The following MAP3K5 variants were observed in gnomAD, a reference collection of about 807,000 sequenced individuals.
The protein encoded by MAP3K5 is ASK-1.
A neutral mutation model predicts 158.7 loss-of-function variants in MAP3K5; 56 were observed. The ratio of observed to expected loss-of-function variants is 0.35; its 90% CI spans 0.28 to 0.44. The LOEUF (loss-of-function observed/expected upper bound fraction) is 0.44. Among genes scored for constraint, MAP3K5 ranks in the 20% least tolerant of loss-of-function variants. The pLI is 1.00. For synonymous variants in MAP3K5, 579 were observed against 601.7 expected, an observed-to-expected ratio of 0.96 and a Z score of 0.55; for missense variants, 1,294 against 1,674.8, an observed-to-expected ratio of 0.77 and a Z score of 3.97.
intron 18 of MAP3K5, 118 bp from the exon 19 acceptor site, chr6:136,605,484 G>A (rs1199453619): frequency 9.6e-6 from 8 of 829,668 alleles, no homozygotes; most frequent in Non-Finnish European, 1.3e-5. Context: ...CATGATTCAA[G>A]TCCTAATATC....
At chr6:136,711,834 T>C (rs561637928) in intron 2 of MAP3K5, among the ~76,000 whole-genome samples, 2 of 152,088 alleles carry the variant, frequency 1.3e-5, no homozygotes, top group Non-Finnish European at 2.9e-5. Flanking sequence ...TAGGAGGAGG[T>C]ATTAATAAAC....
intron 23 of MAP3K5, among the ~76,000 whole-genome samples, chr6:136,590,635 G>A (rs904918753): frequency 6.6e-6 from 1 of 151,770 alleles, no homozygotes; most frequent in Non-Finnish European, 1.5e-5. Context: ...CCGCCTCCAG[G>A]GTTCACGCCA....
intron 11 of MAP3K5, among the ~76,000 whole-genome samples, chr6:136,644,431 T>C (rs1389303337): frequency 6.6e-6 from 1 of 152,176 alleles, no homozygotes; most frequent in African/African-American, 2.4e-5. Flanking sequence ...CAGCGCTAGC[T>C]ATAATTAGCC....
chr6:136,582,568 G>A (rs1455477442), intron 24 of MAP3K5, among the ~76,000 whole-genome samples: 1 of 152,128 alleles, frequency 6.6e-6, no homozygotes, highest in East Asian at 1.9e-4. Flanking sequence ...TCTTGTCCCT[G>A]CCCACAATAT....
At chr6:136,620,834 G>C (rs183534953) in intron 15 of MAP3K5, among the ~76,000 whole-genome samples, 4 of 152,294 alleles carry the variant, frequency 2.6e-5, no homozygotes, top group Admixed American at 1.3e-4. Flanking sequence ...GAGGTTGAGA[G>C]AAGACAGAAT....
At position 136,567,721 on chromosome 6, in the gene MAP3K5, C is replaced by G. The variant is rs139070587; in HGVS notation, c.3671G>C (p.Ser1224Thr). ...IEDAVATSGV[S>T]TLSSTVSHDS... ...ATGAGACACAGTAGAACTGAGCGTG[C>G]TCACGCCTGAGGTAGCCACAGCATC... Residue 1224 changes from serine (S) to threonine (T), a missense_variant, in exon 26 of 30, where the codon AGC (serine) becomes ACC (threonine). By Grantham distance (58) the Ser-to-Thr change is moderately conservative. This residue lies in a region of MAP3K5 where 199 missense variants were observed against 220.3 expected (regional missense o/e 0.90). Coordinates refer to ENST00000359015, the MANE Select transcript of MAP3K5 (RefSeq NM_005923.4). 2.5e-6 allele frequency: 4 copies of G among 1,614,090 alleles called. No individual in the cohort carries two copies. The highest frequency in any genetic ancestry group is 3.4e-6 in the Non-Finnish European group (4 of 1,180,026).
chr6:136,782,239 C>A (rs1443973788), intron 1 of MAP3K5, among the ~76,000 whole-genome samples: 1 of 146,510 alleles, frequency 6.8e-6, no homozygotes, highest in Non-Finnish European at 1.5e-5. Flanking sequence ...ATGATTGAGA[C>A]ACTGCATTCC....
intron 3 of MAP3K5, among the ~76,000 whole-genome samples, chr6:136,702,272 G>A (rs947731550): frequency 6.6e-6 from 1 of 152,092 alleles, no homozygotes; most frequent in East Asian, 1.9e-4. Context: ...CCTGAGCTAA[G>A]AGACAGCCCA....
chr6:136,706,596 C>T (rs947965210), intron 2 of MAP3K5, among the ~76,000 whole-genome samples: 2 of 152,118 alleles, frequency 1.3e-5, no homozygotes, highest in African/African-American at 2.4e-5. Context: ...GCCTCAAGGG[C>T]GAGTCCATCT....
chr6:136,622,548 C>A (rs563983466), intron 15 of MAP3K5, among the ~76,000 whole-genome samples: 1 of 152,260 alleles, frequency 6.6e-6, no homozygotes, highest in East Asian at 1.9e-4. Flanking sequence ...CCAACCTAAA[C>A]GATTTCTGAT....
intron 23 of MAP3K5, chr6:136,584,391 A>T (rs954733892): frequency 6.5e-6 from 1 of 154,088 alleles, no homozygotes; most frequent in African/African-American, 2.4e-5. Context: ...AAGAGGTTTA[A>T]TTGGACTTAC....
intron 7 of MAP3K5, among the ~76,000 whole-genome samples, chr6:136,671,182 T>G (rs1410359337): frequency 6.6e-6 from 1 of 152,170 alleles, no homozygotes; most frequent in African/African-American, 2.4e-5. Flanking sequence ...ATGAAATGTC[T>G]CTTAAAGATA....
At chr6:136,766,383 T>C (rs547580872) in intron 1 of MAP3K5, among the ~76,000 whole-genome samples, 1 of 152,218 alleles carries the variant, frequency 6.6e-6, no homozygotes, top group Non-Finnish European at 1.5e-5. Context: ...CACAGCCAAG[T>C]AGGTCAAGGC....
intron 13 of MAP3K5, 149 bp from the exon 14 acceptor site, chr6:136,637,555 A>T (rs1777700578): frequency 1.9e-6 from 1 of 512,992 alleles, no homozygotes; most frequent in Non-Finnish European, 3.5e-6. Context: ...CATGTGAAAA[A>T]TACAATTTTT....
At chr6:136,724,987 C>T (rs1020069198) in intron 1 of MAP3K5, among the ~76,000 whole-genome samples, 3 of 152,156 alleles carry the variant, frequency 2.0e-5, no homozygotes, top group Non-Finnish European at 4.4e-5. Flanking sequence ...TTTACTGTCC[C>T]TAAAGTTTTA....
intron 1 of MAP3K5, among the ~76,000 whole-genome samples, chr6:136,757,007 C>A (rs1258707427): frequency 6.6e-6 from 1 of 152,170 alleles, no homozygotes; most frequent in African/African-American, 2.4e-5. Context: ...TATGGTTTTC[C>A]AGCAAATCAA....
At chr6:136,731,741 G>A (rs1782233339) in intron 1 of MAP3K5, among the ~76,000 whole-genome samples, 1 of 152,184 alleles carries the variant, frequency 6.6e-6, no homozygotes, top group East Asian at 1.9e-4. Context: ...AGAACAAAAG[G>A]TGCTGAATAC....
intron 9 of MAP3K5, among the ~76,000 whole-genome samples, chr6:136,657,789 T>C (rs1056835882): frequency 9.2e-5 from 14 of 152,220 alleles, no homozygotes; most frequent in Non-Finnish European, 1.5e-5. Flanking sequence ...GTGTGCATTC[T>C]GAGAGGCATG....
chr6:136,615,002 T>C (rs954687883), intron 15 of MAP3K5, among the ~76,000 whole-genome samples: 3 of 152,224 alleles, frequency 2.0e-5, no homozygotes, highest in African/African-American at 7.2e-5. Context: ...GTACTTGATA[T>C]ATGTTGCTGA....
Sources: gnomAD v4.1 joint callset for allele counts (sites outside exome capture counted in the v4.1 genomes callset) on GRCh38, gnomAD v4.1.1 for gene constraint, gnomAD v4.1.1 regional missense constraint, MANE v1.5 for transcripts, NCBI Gene and HGNC (gene_info 2026-07-23, HGNC 2026-07-21) for gene names.